DMWD: variants seen among roughly 807,000 people sequenced by gnomAD.
The protein encoded by DMWD is dystrophia myotonica WD repeat-containing protein.
DMWD carries 19 observed loss-of-function variants against 45.8 expected under a neutral mutation model. The ratio of observed to expected loss-of-function variants is 0.41; its 90% CI spans 0.29 to 0.61. The LOEUF is 0.61. DMWD is among the 20% of genes least tolerant of loss of function. The pLI is 0.25. For synonymous variants in DMWD, 515 were observed against 440.5 expected (o/e 1.17, Z -2.12); for missense variants, 802 against 965.2 (o/e 0.83, Z 2.24).
In DMWD at chr19:45,786,607, G is replaced by A. The variant is rs760071249; in HGVS notation, c.889C>T (p.Arg297Trp). 2.5e-6 allele frequency: 4 copies of A among 1,613,610 alleles called. No homozygotes were observed. Among genetic ancestry groups the A allele is most frequent in the Non-Finnish European group, 3.4e-6 (4 of 1,179,820 alleles). Reference protein sequence around the residue: ...LNEFAFSPDGRHLACVSQDGC... With the variant: ...LNEFAFSPDGWHLACVSQDGC... ...TCCTGGCTCACACAGGCCAGGTGCC[G>A]GCCATCGGGCGAGAAGGCGAACTCG... Residue 297 changes from arginine (R) to tryptophan (W), a missense_variant, in exon 3 of 5, where the codon CGG (arginine) becomes TGG (tryptophan). Arg to Trp is a moderately radical substitution (Grantham distance 101). Coordinates refer to ENST00000270223, the MANE Select transcript of DMWD (RefSeq NM_004943.2).
intron 2 of DMWD, 55 bp downstream of exon 2, chr19:45,790,850 T>C: frequency 1.9e-6 from 3 of 1,552,178 alleles, no homozygotes; most frequent in South Asian, 1.2e-5. Flanking sequence ...CCTAATGGCA[T>C]ATAGTGGGTA....
chr19:45,783,359 G>A lies in DMWD; in HGVS notation c.*884C>T, dbSNP rs1338772080. On this transcript the variant is annotated 3_prime_UTR_variant, in exon 5 of 5. Coordinates refer to ENST00000270223, the MANE Select transcript of DMWD (RefSeq NM_004943.2). Reference sequence around the variant, plus strand: ...CCGGCCTGGGGTGCCTGGGCCTTGAGAGGGCCAGGCCTGAGAAACTAGGAG... The same window carrying A: ...CCGGCCTGGGGTGCCTGGGCCTTGAAAGGGCCAGGCCTGAGAAACTAGGAG... The A allele has an allele frequency of 2.6e-6, 1 of 388,236 alleles. No individual in the cohort carries two copies. The highest frequency in any genetic ancestry group is 4.5e-6 in the Non-Finnish European group (1 of 219,928). The allele number at this position is 388,236 out of a possible 1,614,324, so 24.0% of individuals were successfully genotyped here.
chr19:45,791,030 A>G lies in DMWD; in HGVS notation c.499T>C (p.Cys167Arg). Residue 167 changes from cysteine to arginine, a missense_variant, in exon 2 of 5, where the codon TGC becomes CGC. By Grantham distance (180) the Cys-to-Arg change is radical. Coordinates refer to ENST00000270223, the MANE Select transcript of DMWD (RefSeq NM_004943.2). ...KRIYKGTQPT[C>R]HDFNQFTAAT... ...GCAGTGAACTGGTTGAAATCGTGGC[A>G]GGTGGGCTGGGTGCCCTTGTAGATC... 6.2e-7 allele frequency: 1 copy of G among 1,613,502 alleles called. No homozygotes were observed. Among genetic ancestry groups the G allele is most frequent in the Non-Finnish European group, 8.5e-7 (1 of 1,179,784 alleles).
chr19:45,784,538 A>ATGGGGT (rs1377241473), intron 4 of DMWD, 103 bp downstream of exon 4: 4 of 1,115,462 alleles, frequency 3.6e-6, no homozygotes, highest in Non-Finnish European at 5.0e-6. Context: ...GAGTGAGACC[A>ATGGGGT]TGGGGTAAGG....
intron 2 of DMWD, chr19:45,790,514 G>A (rs538285020): frequency 2.0e-4 from 31 of 154,448 alleles, no homozygotes; most frequent in Non-Finnish European, 3.8e-4. Context: ...TTAGGCGGGC[G>A]TGGCAGCAGG....
chr19:45,791,073 G>C lies in DMWD; in HGVS notation c.456C>G (p.Asn152Lys). ...TGTAGATCCGCTTGTCAATTGGCTT[G>C]TTGAGGTCAATGGACTTGAGGGGTG... ...RRGSQRSIDL[N>K]KPIDKRIYKG... Residue 152 changes from asparagine to lysine, a missense_variant, in exon 2 of 5, where the codon AAC becomes AAG. Around this residue, in one of 9 missense-constraint regions of DMWD, gnomAD observed 82 missense variants for 92.9 expected, o/e 0.88. Transcript: ENST00000270223. The C allele has an allele frequency of 6.2e-7, 1 of 1,611,208 alleles. No individual in the cohort carries two copies.
In DMWD at chr19:45,784,626, C is replaced by CG. The variant is rs757883050; in HGVS notation, c.1977+14_1977+15insC. The CG allele has an allele frequency of 1.2e-6, 2 of 1,614,028 alleles. No individual in the cohort carries two copies. The highest frequency in any genetic ancestry group is 1.7e-6 in the Non-Finnish European group (2 of 1,179,936). On this transcript the variant is annotated intron_variant, in intron 4 of 4. Coordinates refer to ENST00000270223, the MANE Select transcript of DMWD (RefSeq NM_004943.2). ...ACCCTGAGGTGCTGGGGAAAGAACT[C>CG]AGGGACAGTCCTACCTCTACCACTG... is the stretch of plus-strand genomic sequence containing the variant.
chr19:45,791,213 T>G, intron 1 of DMWD, 126 bp from the exon 2 acceptor site: 60 of 919,886 alleles, frequency 6.5e-5, no homozygotes, highest in Non-Finnish European at 8.8e-5. Context: ...GGGAGGTGAG[T>G]AGGTGGATTG....
chr19:45,788,685 T>C (rs1600464624), intron 2 of DMWD, among the ~76,000 whole-genome samples: 2 of 152,146 alleles, frequency 1.3e-5, no homozygotes, highest in South Asian at 4.1e-4. Flanking sequence ...TCCCAGCGCT[T>C]TGGGAGGCCA....
rs1568591695 is a variant in DMWD at position 45,785,618 on chromosome 19, G to A, written c.1878C>T (p.Cys626=). 6 of 1,521,792 alleles carry A rather than the reference G, an allele frequency of 3.9e-6. No individual in the cohort carries two copies. Among genetic ancestry groups the A allele is most frequent in the East Asian group, 2.3e-5 (1 of 42,610 alleles). 94.3% of individuals were successfully genotyped at this position (1,521,792 alleles called of 1,614,324 possible). Residue 626 remains cysteine, a synonymous_variant, in exon 3 of 5, where the codon TGC becomes TGT. Transcript: ENST00000270223. ...CCGCCTTGCCCGGCCGGGCCCAGGTGCAGATGAGGCCCTCCTGGCAGGCAG... is the reference window on the plus strand; with the variant it reads ...CCGCCTTGCCCGGCCGGGCCCAGGTACAGATGAGGCCCTCCTGGCAGGCAG... The part of the protein sequence containing the change: ...IITACQEGLI[C]TWARPGKAFT...
At chr19:45,788,244 C>T (rs1309459133) in intron 2 of DMWD, among the ~76,000 whole-genome samples, 2 of 152,230 alleles carry the variant, frequency 1.3e-5, no homozygotes, top group Non-Finnish European at 2.9e-5. Flanking sequence ...TCAGCCAGCA[C>T]CTGGCACTGT....
chr19:45,792,686 G>T lies in DMWD; in HGVS notation c.71C>A (p.Ser24Ter). 1 of 1,290,418 alleles carries T rather than the reference G, an allele frequency of 7.7e-7. No individual in the cohort carries two copies. Among genetic ancestry groups the T allele is most frequent in the Non-Finnish European group, 1.0e-6 (1 of 1,002,924 alleles). 79.9% of individuals were successfully genotyped at this position (1,290,418 alleles called of 1,614,324 possible). The change falls in exon 1 of 5, where the codon TCG becomes TAG. Residue 24 changes from serine to a stop codon, truncating the protein, a stop_gained. Coordinates refer to ENST00000270223, the MANE Select transcript of DMWD (RefSeq NM_004943.2). LOFTEE classifies it high-confidence loss of function. Reference sequence around the variant, plus strand: ...GAAACCCTCGCGCGTGCGGAATTGCGACTTAATCTCCGCGCAGTCCCCCAT... The same window carrying T: ...GAAACCCTCGCGCGTGCGGAATTGCTACTTAATCTCCGCGCAGTCCCCCAT... ...AAMGDCAEIK[S>*]QFRTREGFYK...
At chr19:45,792,269 A>G in intron 1 of DMWD, 47 bp downstream of exon 1, 1 of 1,576,938 alleles carries the variant, frequency 6.3e-7, no homozygotes, top group Non-Finnish European at 8.6e-7. Flanking sequence ...GTTCTCTGGA[A>G]CCTCCATCCT....
In DMWD at chr19:45,786,071, GCT is replaced by G; in HGVS notation, c.1423_1424del (p.Ser475LeufsTer216). The part of the protein sequence containing the change: ...TPGTTPPAAS[S>X]SRGGEPGPGP... ...CTGGGCCAGGCTCGCCACCCCTCGA[GCT>G]GCTGGCGGCCGGTGGCGTGGTGCCA... On this transcript the variant is annotated frameshift_variant, in exon 3 of 5. Coordinates refer to ENST00000270223, the MANE Select transcript of DMWD (RefSeq NM_004943.2). LOFTEE classifies it high-confidence loss of function. 1 of 1,520,276 alleles carries G rather than the reference GCT, an allele frequency of 6.6e-7. No homozygotes were observed. The highest frequency in any genetic ancestry group is 1.4e-5 in the African/African-American group (1 of 72,688). 94.2% of individuals were successfully genotyped at this position (1,520,276 alleles called of 1,614,324 possible).
intron 2 of DMWD, 186 bp from the exon 3 acceptor site, chr19:45,787,057 T>TGGAAACATGG: frequency 9.2e-7 from 1 of 1,085,372 alleles, no homozygotes; most frequent in South Asian, 1.7e-5. Flanking sequence ...CACCAGGTCA[T>TGGAAACATGG]GGAAACATGG....
chr19:45,785,244 A>T (rs1970254576), intron 3 of DMWD: 2 of 1,063,992 alleles, frequency 1.9e-6, no homozygotes, highest in Admixed American at 1.1e-4. Flanking sequence ...AAGTTTCACG[A>T]TTTAAAAAAC....
Position 45,785,712 on chromosome 19 carries a change from G to T in DMWD, c.1784C>A (p.Pro595His), listed in dbSNP as rs1439942042. The change falls in exon 3 of 5, where the codon CCC becomes CAC. Residue 595 changes from proline (P) to histidine (H), a missense_variant. This residue lies in a region of DMWD where 303 missense variants were observed against 332.9 expected (regional missense o/e 0.91). Coordinates refer to ENST00000270223, the MANE Select transcript of DMWD (RefSeq NM_004943.2). ...PRIHEVPLLEPLVCKKIAQER... is the reference protein window; with the variant it reads ...PRIHEVPLLEHLVCKKIAQER... ...CTGGGCGATCTTCTTGCACACAAGG[G>T]GCTCCAGCAGGGGCACCTCGTGGAT... The T allele has an allele frequency of 6.2e-7, 1 of 1,605,620 alleles. No homozygotes were observed.
At position 45,792,401 on chromosome 19, in the gene DMWD, AGCCCCGCGGGCGTGGCGGGCG is replaced by A; in HGVS notation, c.335_355del (p.Pro112_Gly118del). The A allele has an allele frequency of 6.3e-7, 1 of 1,591,594 alleles. No homozygotes were observed. The highest frequency in any genetic ancestry group is 8.5e-7 in the Non-Finnish European group (1 of 1,169,946). On this transcript the variant is annotated inframe_deletion, in exon 1 of 5. Coordinates refer to ENST00000270223, the MANE Select transcript of DMWD (RefSeq NM_004943.2). ...GCAGACGCGGTCTCCCCCCGAGCCC[AGCCCCGCGGGCGTGGCGGGCG>A]GCTCCCCGGCCCCGGCGCTGTCCGG... is the stretch of plus-strand genomic sequence containing the variant.
In DMWD at chr19:45,783,062, G is replaced by C. The variant is rs147612614; in HGVS notation, c.*1181C>G. On this transcript the variant is annotated 3_prime_UTR_variant, in exon 5 of 5. Coordinates refer to ENST00000270223, the MANE Select transcript of DMWD (RefSeq NM_004943.2). Reference sequence around the variant, plus strand: ...ACAGGACCAGGAGGGGGCACCCTCAGAGCCTGAACAGGGGTGACCTGCTGC... The same window carrying C: ...ACAGGACCAGGAGGGGGCACCCTCACAGCCTGAACAGGGGTGACCTGCTGC... 6.9e-6 allele frequency: 1 copy of C among 145,530 alleles called. No individual in the cohort carries two copies. Among genetic ancestry groups the C allele is most frequent in the African/African-American group, 2.6e-5 (1 of 38,972 alleles). The allele number at this position is 145,530 out of a possible 1,614,324, so 9.0% of individuals were successfully genotyped here. A position where few individuals can be genotyped will look rare whatever the true frequency, so the allele number is the denominator to read the frequency against.
Sources: allele counts gnomAD v4.1 joint callset (sites outside exome capture counted in the v4.1 genomes callset), GRCh38; gene constraint gnomAD v4.1.1; regional missense constraint gnomAD v4.1.1; transcripts MANE v1.5; gene names NCBI Gene and HGNC (gene_info 2026-07-23, HGNC 2026-07-21).